TTLL11: variants seen among roughly 807,000 people sequenced by gnomAD.
TTLL11 encodes tubulin polyglutamylase TTLL11.
A neutral mutation model predicts 51.7 loss-of-function variants in TTLL11; 42 were observed. The ratio of observed to expected loss-of-function variants is 0.81; its 90% confidence interval spans 0.64 to 1.05. The LOEUF (loss-of-function observed/expected upper bound fraction) is 1.05. Ranked by LOEUF, TTLL11 falls within the 50% of genes least tolerant of loss-of-function variation. TTLL11 has a pLI of 0.00. For synonymous variants in TTLL11, 381 were observed against 383.5 expected, an observed-to-expected ratio of 0.99 and a Z score of 0.08; for missense variants, 799 against 940.4, an observed-to-expected ratio of 0.85 and a Z score of 1.97.
intron 6 of TTLL11, among the ~76,000 whole-genome samples, chr9:121,899,279 C>G (rs572777903): frequency 1.2e-4 from 19 of 152,026 alleles, no homozygotes; most frequent in Middle Eastern, 3.4e-3. Flanking sequence ...GCCCTAAACA[C>G]TCTTTATGCA....
intron 6 of TTLL11, among the ~76,000 whole-genome samples, chr9:121,879,170 T>A (rs1185519592): frequency 6.6e-6 from 1 of 152,102 alleles, no homozygotes; most frequent in Non-Finnish European, 1.5e-5. Context: ...CTCTCATGAG[T>A]GTCATCATCT....
At chr9:121,974,188 G>T in intron 5 of TTLL11, 64 bp from the exon 6 acceptor site, 1 of 1,269,626 alleles carries the variant, frequency 7.9e-7, no homozygotes, top group Non-Finnish European at 1.1e-6. Flanking sequence ...TGGCTATCCA[G>T]CTAGCTCCAG....
rs1837967534 is a variant in TTLL11, at chr9:121,860,358, T to C, written c.1819A>G (p.Thr607Ala). Residue 607 changes from threonine (T) to alanine (A), a missense_variant, in exon 8 of 9, where the codon ACC becomes GCC. Coordinates refer to ENST00000321582, the MANE Select transcript of TTLL11 (RefSeq NM_001139442.2). ...IDITRRWNSMTLDQRDSGMCL... is the reference protein window; with the variant it reads ...IDITRRWNSMALDQRDSGMCL... The stretch of plus-strand genomic sequence containing the variant: ...ATACCTGAGTCCCGCTGGTCCAGGG[T>C]CATGGAGTTCCACCTCCGTGTGATG... The C allele has an allele frequency of 1.3e-6, 2 of 1,551,290 alleles. No homozygotes were observed. The highest frequency in any genetic ancestry group is 8.7e-7 in the Non-Finnish European group (1 of 1,146,922).
At chr9:121,948,678 G>A (rs1247037331) in intron 6 of TTLL11, among the ~76,000 whole-genome samples, 1 of 152,228 alleles carries the variant, frequency 6.6e-6, no homozygotes, top group Non-Finnish European at 1.5e-5. Flanking sequence ...GCCAGGAAGT[G>A]GCAGAACCAG....
chr9:121,942,774 C>T (rs906181029), intron 6 of TTLL11, among the ~76,000 whole-genome samples: 4 of 134,532 alleles, frequency 3.0e-5, no homozygotes, highest in African/African-American at 1.1e-4. Flanking sequence ...CTGAATATAG[C>T]GAGTGCTTTC....
chr9:121,973,693 T>C (rs921386658), intron 6 of TTLL11, among the ~76,000 whole-genome samples: 2 of 152,074 alleles, frequency 1.3e-5, no homozygotes, highest in African/African-American at 4.8e-5. Flanking sequence ...TGTATACATA[T>C]GTAACAAACC....
At chr9:121,917,434 C>G (rs1369401934) in intron 6 of TTLL11, among the ~76,000 whole-genome samples, 1 of 148,966 alleles carries the variant, frequency 6.7e-6, no homozygotes, top group South Asian at 2.1e-4. Flanking sequence ...TGCACCACTG[C>G]ACTTTAGCCT....
chr9:121,898,469 C>T (rs1839629548), intron 6 of TTLL11, among the ~76,000 whole-genome samples: 1 of 152,244 alleles, frequency 6.6e-6, no homozygotes, highest in African/African-American at 2.4e-5. Flanking sequence ...GGAGCCAGGA[C>T]AGGAAACCAT....
rs532625970 is a variant in TTLL11 at position 121,904,191 on chromosome 9, T to C, written c.1482-33443A>G. ...GCTTTGATACATTCTTTTTTTTTTT[T>C]TTTTGAGACGGAGTCTCGCTCTATC... is the stretch of plus-strand genomic sequence containing the variant. On this transcript the variant is annotated intron_variant, in intron 6 of 8. Transcript: ENST00000321582. Among the ~76,000 whole-genome samples, 8 of 152,162 alleles carry C rather than the reference T, an allele frequency of 5.3e-5. No individual in the cohort carries two copies. In the East Asian group the frequency reaches 1.5e-3, roughly 29 times the overall value.
intron 8 of TTLL11, among the ~76,000 whole-genome samples, chr9:121,836,892 G>A (rs1837194550): frequency 1.3e-5 from 2 of 152,198 alleles, no homozygotes; most frequent in Non-Finnish European, 2.9e-5. Flanking sequence ...TCTGCCTTGC[G>A]ACCTCCAATT....
intron 6 of TTLL11, among the ~76,000 whole-genome samples, chr9:121,896,211 T>G (rs992412941): frequency 2.0e-5 from 3 of 152,004 alleles, no homozygotes; most frequent in Non-Finnish European, 2.9e-5. Flanking sequence ...AGACACGGAA[T>G]GCTGGGAATG....
intron 4 of TTLL11, among the ~76,000 whole-genome samples, chr9:121,978,567 C>T (rs1016085096): frequency 3.3e-5 from 5 of 152,142 alleles, no homozygotes; most frequent in South Asian, 2.1e-4. Flanking sequence ...GTCCCTCTAA[C>T]GGAGCAGGAA....
At chr9:122,029,394 T>C (rs867303651) in intron 3 of TTLL11, among the ~76,000 whole-genome samples, 1 of 152,200 alleles carries the variant, frequency 6.6e-6, no homozygotes, top group Non-Finnish European at 1.5e-5. Context: ...CTTGAAGACC[T>C]TCCAGTGGGA....
chr9:121,851,295 A>G (rs1016071101), intron 8 of TTLL11, among the ~76,000 whole-genome samples: 2 of 152,178 alleles, frequency 1.3e-5, no homozygotes, highest in African/African-American at 4.8e-5. Context: ...TGTACAACAC[A>G]AAGAGTGAAC....
chr9:122,089,779 G>GT lies in TTLL11; in HGVS notation c.462+2907dup, dbSNP rs201679364. Among the ~76,000 whole-genome samples, 617 of 152,124 alleles carry GT rather than the reference G, an allele frequency of 4.1e-3. 5 individuals carry two copies. The highest frequency in any genetic ancestry group is 1.9e-3 in the Non-Finnish European group (131 of 67,982). ...AGAGTCTTATTGTTGCAAGTGAATT[G>GT]TTTTTTTAATTTTCAATATTTTTTT... On this transcript the variant is annotated intron_variant, in intron 1 of 8. Transcript: ENST00000321582.
intron 3 of TTLL11, among the ~76,000 whole-genome samples, chr9:121,997,450 G>A (rs1843309735): frequency 6.6e-6 from 1 of 152,086 alleles, no homozygotes. Flanking sequence ...CAGCTTGCTT[G>A]GCCTAAAGCC....
At chr9:121,959,952 T>C (rs1376913383) in intron 6 of TTLL11, among the ~76,000 whole-genome samples, 1 of 152,026 alleles carries the variant, frequency 6.6e-6, no homozygotes, top group African/African-American at 2.4e-5. Context: ...ATGTATAACA[T>C]AGATACATAC....
At chr9:121,850,628 T>G (rs1349976861) in intron 8 of TTLL11, among the ~76,000 whole-genome samples, 7 of 152,124 alleles carry the variant, frequency 4.6e-5, no homozygotes, top group Non-Finnish European at 1.0e-4. Context: ...GTTGTTCTAT[T>G]TGGGCCCCCA....
chr9:121,920,256 T>C (rs746897377), intron 6 of TTLL11, among the ~76,000 whole-genome samples: 10 of 152,184 alleles, frequency 6.6e-5, no homozygotes, highest in African/African-American at 1.7e-4. Context: ...TGAGCCAAGA[T>C]TGCACGACTG....
Sources: allele counts gnomAD v4.1 joint callset (sites outside exome capture counted in the v4.1 genomes callset), GRCh38; gene constraint gnomAD v4.1.1; transcripts MANE v1.5; gene names NCBI Gene and HGNC (gene_info 2026-07-23, HGNC 2026-07-21).